The following RSU1 variants were observed in gnomAD, a reference collection of about 807,000 sequenced individuals.
RSU1 encodes the protein rsu-1.
A neutral mutation model predicts 31.1 loss-of-function variants in RSU1; 26 were observed. That is an observed-to-expected ratio of 0.84 (90% CI 0.61 to 1.16). The LOEUF is 1.16. RSU1 is among the 50% of genes most tolerant of loss of function. RSU1 has a pLI of 0.00. For synonymous variants in RSU1, 164 were observed against 136.3 expected (o/e 1.20, Z -1.41); for missense variants, 320 against 339.1 (o/e 0.94, Z 0.44).
chr10:16,812,610 G>A (rs1838432077), intron 2 of RSU1, among the ~76,000 whole-genome samples: 1 of 152,064 alleles, frequency 6.6e-6, no homozygotes, highest in Admixed American at 6.6e-5. Context: ...GATAACCCAT[G>A]ATCATATTTG....
chr10:16,730,317 C>T (rs1836482182), intron 7 of RSU1, among the ~76,000 whole-genome samples: 1 of 152,218 alleles, frequency 6.6e-6, no homozygotes, highest in South Asian at 2.1e-4. Context: ...AGGGGACAAA[C>T]ATCCAAACTG....
intron 5 of RSU1, 37 bp from the exon 6 acceptor site, chr10:16,753,037 T>C (rs1472568564): frequency 1.3e-6 from 2 of 1,536,936 alleles, no homozygotes; most frequent in East Asian, 2.2e-5. Context: ...CAGGGTGGCA[T>C]GGAACACAAC....
chr10:16,654,048 G>T (rs1834729912), intron 8 of RSU1, among the ~76,000 whole-genome samples: 1 of 151,842 alleles, frequency 6.6e-6, no homozygotes, highest in Non-Finnish European at 1.5e-5. Flanking sequence ...TGTCACCCAG[G>T]CTGGAGTGCA....
chr10:16,626,944 C>T (rs1248580639), intron 8 of RSU1, among the ~76,000 whole-genome samples: 1 of 152,172 alleles, frequency 6.6e-6, no homozygotes, highest in Non-Finnish European at 1.5e-5. Context: ...ATCCTGTTTA[C>T]AAATATTTGT....
At chr10:16,737,579 C>G (rs1264724588) in intron 7 of RSU1, among the ~76,000 whole-genome samples, 1 of 151,856 alleles carries the variant, frequency 6.6e-6, no homozygotes, top group South Asian at 2.1e-4. Flanking sequence ...CCAAAAAGAA[C>G]TGTACTACAA....
At chr10:16,814,461 A>AAAT (rs1838482654) in intron 2 of RSU1, among the ~76,000 whole-genome samples, 1 of 146,132 alleles carries the variant, frequency 6.8e-6, no homozygotes. Flanking sequence ...GAAAAAAAAA[A>AAAT]AAAAAAAGAA....
chr10:16,597,269 T>C (rs1041622301), intron 8 of RSU1, among the ~76,000 whole-genome samples: 4 of 152,128 alleles, frequency 2.6e-5, no homozygotes, highest in African/African-American at 7.2e-5. Flanking sequence ...TCAGAAGGGG[T>C]TGCAAAAGCT....
chr10:16,604,445 G>A (rs1342431931), intron 8 of RSU1, among the ~76,000 whole-genome samples: 1 of 152,028 alleles, frequency 6.6e-6, no homozygotes, highest in Non-Finnish European at 1.5e-5. Flanking sequence ...GTGTGCCTAG[G>A]AGGAATCACA....
chr10:16,708,184 T>G (rs1415648772), intron 7 of RSU1, among the ~76,000 whole-genome samples: 1 of 152,222 alleles, frequency 6.6e-6, no homozygotes, highest in Non-Finnish European at 1.5e-5. Context: ...AGCCTACTAT[T>G]GATCAGAAAC....
intron 8 of RSU1, among the ~76,000 whole-genome samples, chr10:16,669,468 A>G (rs1835065721): frequency 6.6e-6 from 1 of 151,894 alleles, no homozygotes; most frequent in South Asian, 2.1e-4. Context: ...GTGTTTGGCT[A>G]CTTACCCACC....
chr10:16,691,487 G>A (rs1835548802), intron 8 of RSU1, among the ~76,000 whole-genome samples: 1 of 151,326 alleles, frequency 6.6e-6, no homozygotes, highest in African/African-American at 2.4e-5. Context: ...AGCTGCTACA[G>A]GAGAATGACA....
intron 7 of RSU1, among the ~76,000 whole-genome samples, chr10:16,708,144 A>G (rs1251351460): frequency 6.6e-6 from 1 of 152,172 alleles, no homozygotes; most frequent in Non-Finnish European, 1.5e-5. Flanking sequence ...CCCTTGAACA[A>G]CTTTTGACTT....
intron 8 of RSU1, among the ~76,000 whole-genome samples, chr10:16,670,775 T>C (rs1188540959): frequency 6.6e-6 from 1 of 152,126 alleles, no homozygotes; most frequent in Non-Finnish European, 1.5e-5. Flanking sequence ...ACAGAACCTC[T>C]TTTTTTAAGC....
chr10:16,702,391 C>G (rs376110944), intron 7 of RSU1, among the ~76,000 whole-genome samples: 1 of 152,202 alleles, frequency 6.6e-6, no homozygotes, highest in African/African-American at 2.4e-5. Flanking sequence ...AACCCTGCAC[C>G]GGGAAAAGCT....
At chr10:16,654,437 A>G (rs1834738015) in intron 8 of RSU1, among the ~76,000 whole-genome samples, 1 of 146,216 alleles carries the variant, frequency 6.8e-6, no homozygotes, top group African/African-American at 2.5e-5. Context: ...TGGGAGGCTG[A>G]GGTGGGTGGA....
At chr10:16,713,532 TTC>T (rs1564328446) in intron 7 of RSU1, among the ~76,000 whole-genome samples, 1 of 152,182 alleles carries the variant, frequency 6.6e-6, no homozygotes, top group Non-Finnish European at 1.5e-5. Context: ...GCTCCAAGAT[TTC>T]TGTTTGGTTC....
intron 7 of RSU1, among the ~76,000 whole-genome samples, chr10:16,741,881 T>C (rs1564340490): frequency 6.6e-6 from 1 of 152,202 alleles, no homozygotes; most frequent in African/African-American, 2.4e-5. Context: ...CATTTTGTAA[T>C]GTTTATTTGT....
intron 8 of RSU1, among the ~76,000 whole-genome samples, chr10:16,663,616 A>T (rs1834928673): frequency 6.6e-6 from 1 of 152,170 alleles, no homozygotes; most frequent in Non-Finnish European, 1.5e-5. Context: ...GAAAGGTCAC[A>T]TGAATAGCCA....
intron 7 of RSU1, among the ~76,000 whole-genome samples, chr10:16,742,353 T>C (rs566618771): frequency 4.6e-5 from 7 of 152,110 alleles, no homozygotes; most frequent in Non-Finnish European, 8.8e-5. Flanking sequence ...ATTTCAGGTG[T>C]TGACAACATG....
Sources: allele counts gnomAD v4.1 joint callset (sites outside exome capture counted in the v4.1 genomes callset), GRCh38; gene constraint gnomAD v4.1.1; transcripts MANE v1.5; gene names NCBI Gene and HGNC (gene_info 2026-07-23, HGNC 2026-07-21).